PKD2L2: variants seen among roughly 807,000 people sequenced by gnomAD.
PKD2L2 encodes the protein polycystin 2 like 2, transient receptor potential cation channel, also known as polycystin-2-like protein 2.
In PKD2L2, 67 loss-of-function variants were observed where a neutral mutation model predicts 83.9. The observed-to-expected ratio is 0.80, with a 90% confidence interval of 0.66 to 0.98. The LOEUF (loss-of-function observed/expected upper bound fraction) is 0.98. Among genes scored for constraint, PKD2L2 ranks in the 50% least tolerant of loss-of-function variants. The probability of loss-of-function intolerance (pLI) is 0.00; values close to 1 mark genes in which losing one functional copy is unlikely to be tolerated. For missense variants in PKD2L2, 632 were observed against 717.2 expected, an observed-to-expected ratio of 0.88 and a Z score of 1.36; for synonymous variants, 223 against 237.8, an observed-to-expected ratio of 0.94 and a Z score of 0.57.
intron 5 of PKD2L2, among the ~76,000 whole-genome samples, chr5:137,900,295 A>G (rs1419407288): frequency 6.6e-6 from 1 of 152,200 alleles, no homozygotes; most frequent in African/African-American, 2.4e-5. Flanking sequence ...TTGTCTCTCC[A>G]GTAAATTGTG....
intron 5 of PKD2L2, among the ~76,000 whole-genome samples, chr5:137,904,452 G>A (rs1199152467): frequency 6.6e-6 from 1 of 152,150 alleles, no homozygotes; most frequent in Non-Finnish European, 1.5e-5. Context: ...AAAAGAATGC[G>A]ATCATATCCT....
intron 4 of PKD2L2, among the ~76,000 whole-genome samples, chr5:137,898,676 C>T (rs1756695744): frequency 6.6e-6 from 1 of 152,134 alleles, no homozygotes; most frequent in South Asian, 2.1e-4. Context: ...ATCTCAGCCT[C>T]CTGGGTAGCT....
intron 4 of PKD2L2, among the ~76,000 whole-genome samples, chr5:137,895,472 TAAAAAAAAAAAA>T (rs756004179): frequency 0.043 from 2,843 of 65,838 alleles, 43 homozygotes; most frequent in Admixed American, 0.093. Context: ...ACCTTGTCCC[TAAAAAAAAAAAA>T]AAAAAAAAAG....
Position 137,890,524 on chromosome 5 carries a change from T to C in PKD2L2, c.75T>C (p.Ile25=), listed in dbSNP as rs1381086032. ...HKLHYRKEVE[I]TTTLQELLLY... ...TGCATTACAGAAAGGAAGTAGAAATTACAACCACACTTCAGGAATTGTTAC... is the reference window on the plus strand; with the variant it reads ...TGCATTACAGAAAGGAAGTAGAAATCACAACCACACTTCAGGAATTGTTAC... Residue 25 remains isoleucine (I), a synonymous_variant, in exon 2 of 15, where the codon ATT becomes ATC. Transcript: ENST00000508883. The C allele has an allele frequency of 6.3e-7, 1 of 1,590,904 alleles. No individual in the cohort carries two copies. The highest frequency in any genetic ancestry group is 8.6e-7 in the Non-Finnish European group (1 of 1,168,016).
chr5:137,926,132 A>G (rs1343780363), intron 12 of PKD2L2, among the ~76,000 whole-genome samples: 5 of 152,058 alleles, frequency 3.3e-5, no homozygotes, highest in Non-Finnish European at 4.4e-5. Flanking sequence ...TCCTACCTGT[A>G]CTCTCAGCCA....
intron 12 of PKD2L2, among the ~76,000 whole-genome samples, chr5:137,928,946 T>C (rs983703778): frequency 4.6e-5 from 7 of 152,236 alleles, no homozygotes; most frequent in African/African-American, 1.7e-4. Context: ...GTTTTATAAT[T>C]AATGGTCAAA....
At chr5:137,902,815 A>T (rs1757076468) in intron 5 of PKD2L2, among the ~76,000 whole-genome samples, 1 of 152,190 alleles carries the variant, frequency 6.6e-6, no homozygotes, top group African/African-American at 2.4e-5. Context: ...AAAGAAATGG[A>T]GCTAGATCTG....
intron 8 of PKD2L2, among the ~76,000 whole-genome samples, chr5:137,921,159 G>C (rs1001875383): frequency 1.3e-5 from 2 of 152,080 alleles, no homozygotes; most frequent in Admixed American, 6.5e-5. Context: ...CCAGGAGTTT[G>C]AGATCAGCCT....
intron 8 of PKD2L2, among the ~76,000 whole-genome samples, chr5:137,921,127 G>A (rs1284447887): frequency 3.3e-5 from 5 of 152,132 alleles, no homozygotes; most frequent in Admixed American, 2.0e-4. Flanking sequence ...TTGGGAGGCC[G>A]AGGTGGGCGG....
chr5:137,932,610 T>G (rs1759967697), intron 12 of PKD2L2, among the ~76,000 whole-genome samples: 1 of 152,024 alleles, frequency 6.6e-6, no homozygotes, highest in South Asian at 2.1e-4. Context: ...GAACCTACTA[T>G]CTTAGAGAAG....
chr5:137,928,299 C>T (rs1217166936), intron 12 of PKD2L2, among the ~76,000 whole-genome samples: 1 of 150,922 alleles, frequency 6.6e-6, no homozygotes, highest in African/African-American at 2.4e-5. Context: ...ACCTGTAATC[C>T]CAGCACTTTG....
At position 137,889,509 on chromosome 5, in the gene PKD2L2, G is replaced by T. The variant is rs375855855; in HGVS notation, c.18G>T (p.Arg6=). The change falls in exon 1 of 15, where the codon CGG becomes CGT. Residue 6 remains arginine (R), a synonymous_variant. Coordinates refer to ENST00000508883, the MANE Select transcript of PKD2L2 (RefSeq NM_001300921.2). The part of the protein sequence containing the change: MAEAS[R]WHRGGASKHK... ...GGTCCGCCATGGCTGAGGCGTCACG[G>T]TGGCACCGAGGCGGTGAGGGGTCCT... The T allele has an allele frequency of 6.4e-6, 10 of 1,557,564 alleles. No individual in the cohort carries two copies. The highest frequency in any genetic ancestry group is 1.4e-5 in the African/African-American group (1 of 69,514).
At chr5:137,933,756 C>T (rs898932778) in intron 12 of PKD2L2, among the ~76,000 whole-genome samples, 3 of 152,150 alleles carry the variant, frequency 2.0e-5, no homozygotes. Flanking sequence ...AAGAGGCATA[C>T]CAGAGAATCC....
intron 11 of PKD2L2, 139 bp downstream of exon 11, chr5:137,925,243 G>A (rs1759284586): frequency 1.6e-6 from 1 of 617,988 alleles, no homozygotes; most frequent in Non-Finnish European, 2.9e-6. Context: ...GGTCAGACTG[G>A]TCTCAAACTC....
At chr5:137,920,749 C>G (rs1461196357) in intron 8 of PKD2L2, among the ~76,000 whole-genome samples, 1 of 109,966 alleles carries the variant, frequency 9.1e-6, no homozygotes, top group Middle Eastern at 4.3e-3. Context: ...AAGAGCGAAA[C>G]TCCATCTAAA....
At position 137,932,898 on chromosome 5, in the gene PKD2L2, A is replaced by T. The variant is rs149004179; in HGVS notation, c.1672-2899A>T. On this transcript the variant is annotated intron_variant, in intron 12 of 14. Coordinates refer to ENST00000508883, the MANE Select transcript of PKD2L2 (RefSeq NM_001300921.2). Reference sequence around the variant, plus strand: ...GAACACTTCAGATTTCCGATTAGGGATACTCAATCTGTACTTCTTGAGTGG... The same window carrying T: ...GAACACTTCAGATTTCCGATTAGGGTTACTCAATCTGTACTTCTTGAGTGG... 3.7e-3 allele frequency among the ~76,000 whole-genome samples: 567 copies of T among 152,278 alleles called. 2 individuals are homozygous for T. Among genetic ancestry groups the T allele is most frequent in the Non-Finnish European group, 6.3e-3 (429 of 68,016 alleles).
chr5:137,896,906 C>T (rs1756517985), intron 4 of PKD2L2, among the ~76,000 whole-genome samples: 1 of 148,608 alleles, frequency 6.7e-6, no homozygotes, highest in Admixed American at 6.7e-5. Context: ...TCTTGAACTC[C>T]CAGGATTAAT....
chr5:137,909,023 G>A (rs1266295341), intron 8 of PKD2L2, 77 bp downstream of exon 8: 1 of 754,230 alleles, frequency 1.3e-6, no homozygotes, highest in East Asian at 2.8e-5. Flanking sequence ...AACCTTCTAT[G>A]ATAAGTAGTA....
At chr5:137,931,307 T>C (rs115925414) in intron 12 of PKD2L2, among the ~76,000 whole-genome samples, 1,728 of 152,204 alleles carry the variant, frequency 0.011, 28 homozygotes, top group African/African-American at 0.04. Flanking sequence ...TATTCCTCTT[T>C]GCCCTAGCAA....
Sources: allele counts gnomAD v4.1 joint callset (sites outside exome capture counted in the v4.1 genomes callset), GRCh38; gene constraint gnomAD v4.1.1; transcripts MANE v1.5; gene names NCBI Gene and HGNC (gene_info 2026-07-23, HGNC 2026-07-21).